The following GRIN2A variants were observed in gnomAD, a reference collection of about 807,000 sequenced individuals.
The protein encoded by GRIN2A is glutamate receptor ionotropic, NMDA 2A.
Under a neutral mutation model 113.4 loss-of-function variants are expected in GRIN2A, and 22 were observed. The ratio of observed to expected loss-of-function variants is 0.19; its 90% CI spans 0.14 to 0.28. The LOEUF is 0.28. GRIN2A is among the 10% of genes least tolerant of loss of function. GRIN2A has a pLI of 1.00. For missense variants in GRIN2A, 1,502 were observed against 1,887.0 expected (o/e 0.80, Z 3.78); for synonymous variants, 827 against 738.4 (o/e 1.12, Z -1.94).
chr16:9,883,144 T>A (rs2043517962), intron 4 of GRIN2A, among the ~76,000 whole-genome samples: 1 of 152,178 alleles, frequency 6.6e-6, no homozygotes. Flanking sequence ...GAAGAATACC[T>A]ACTTTAGAAG....
intron 2 of GRIN2A, among the ~76,000 whole-genome samples, chr16:10,103,172 C>A (rs934968692): frequency 5.3e-5 from 8 of 151,904 alleles, no homozygotes; most frequent in Admixed American, 3.9e-4. Context: ...TTTTTAAGGA[C>A]AAAGAAAGTA....
At chr16:10,138,839 T>C (rs1474673581) in intron 2 of GRIN2A, among the ~76,000 whole-genome samples, 1 of 152,204 alleles carries the variant, frequency 6.6e-6, no homozygotes, top group Non-Finnish European at 1.5e-5. Flanking sequence ...TACTATGCCA[T>C]CATTATCAGA....
chr16:9,938,009 G>T lies in GRIN2A; in HGVS notation c.957C>A (p.Ser319Arg), dbSNP rs763767512. The T allele has an allele frequency of 1.2e-6, 2 of 1,614,082 alleles. No homozygotes were observed. Among genetic ancestry groups the T allele is most frequent in the Non-Finnish European group, 1.7e-6 (2 of 1,179,970 alleles). ...KFSYIPEAKA[S>R]CYGQMERPEV... ...CTGGCCTCTCCATCTGCCCGTAGCA[G>T]CTGGCCTTGGCCTCGGGGATGTAGG... The change falls in exon 3 of 13, where the codon AGC (serine) becomes AGA (arginine). Residue 319 changes from serine (S) to arginine (R), a missense_variant. Coordinates refer to ENST00000330684, the MANE Select transcript of GRIN2A (RefSeq NM_001134407.3).
intron 2 of GRIN2A, among the ~76,000 whole-genome samples, chr16:9,966,963 T>C (rs1205081869): frequency 6.6e-6 from 1 of 152,210 alleles, no homozygotes; most frequent in Admixed American, 6.5e-5. Flanking sequence ...TGACTCATTT[T>C]CCACACTTCA....
At chr16:9,835,408 G>C (rs1226125376) in intron 7 of GRIN2A, among the ~76,000 whole-genome samples, 1 of 152,058 alleles carries the variant, frequency 6.6e-6, no homozygotes, top group Non-Finnish European at 1.5e-5. Flanking sequence ...CTCTAGAAAG[G>C]TAAGAAATAT....
chr16:10,052,522 G>T (rs1442236919), intron 2 of GRIN2A, among the ~76,000 whole-genome samples: 1 of 152,226 alleles, frequency 6.6e-6, no homozygotes, highest in African/African-American at 2.4e-5. Context: ...CAGGGGACAT[G>T]AATGATGCTT....
At chr16:10,108,883 G>A (rs1351475842) in intron 2 of GRIN2A, among the ~76,000 whole-genome samples, 3 of 151,998 alleles carry the variant, frequency 2.0e-5, no homozygotes, top group Non-Finnish European at 4.4e-5. Context: ...AATCAGAGGA[G>A]AAGGCAAGAG....
intron 3 of GRIN2A, among the ~76,000 whole-genome samples, chr16:9,900,814 T>G (rs1186458071): frequency 6.6e-6 from 1 of 152,178 alleles, no homozygotes; most frequent in East Asian, 1.9e-4. Flanking sequence ...CTAACCACTT[T>G]GAACCAGCTG....
rs1324775958 is a variant in GRIN2A, at chr16:9,852,048, AC to A, written c.1123-2088del. 2.0e-5 allele frequency among the ~76,000 whole-genome samples: 3 copies of A among 152,176 alleles called. 1 individual carries two copies. The highest frequency in any genetic ancestry group is 2.9e-5 in the Non-Finnish European group (2 of 68,034). ...TTTATATTATAACCTCAATGACATA[AC>A]TTTTGAGCACTCCTGTACAGTCAGG... On this transcript the variant is annotated intron_variant, in intron 4 of 12. Coordinates refer to ENST00000330684, the MANE Select transcript of GRIN2A (RefSeq NM_001134407.3).
chr16:9,878,010 A>G (rs752234210), intron 4 of GRIN2A, among the ~76,000 whole-genome samples: 3 of 151,750 alleles, frequency 2.0e-5, no homozygotes, highest in Non-Finnish European at 2.9e-5. Flanking sequence ...AATACTTCTG[A>G]CTGAGAGGCT....
intron 4 of GRIN2A, among the ~76,000 whole-genome samples, chr16:9,877,412 T>C (rs920290001): frequency 5.9e-5 from 9 of 152,154 alleles, no homozygotes; most frequent in African/African-American, 9.7e-5. Context: ...CAACATAACA[T>C]ACCAATCAGA....
At chr16:9,959,804 T>G (rs1006833362) in intron 2 of GRIN2A, among the ~76,000 whole-genome samples, 1 of 152,100 alleles carries the variant, frequency 6.6e-6, no homozygotes, top group Non-Finnish European at 1.5e-5. Flanking sequence ...TGAAACCCCA[T>G]CTCTACTAAA....
At chr16:10,083,549 C>T (rs2048024706) in intron 2 of GRIN2A, among the ~76,000 whole-genome samples, 2 of 152,172 alleles carry the variant, frequency 1.3e-5, no homozygotes, top group African/African-American at 2.4e-5. Flanking sequence ...CCTCTCTCTA[C>T]CCTCTTCCCC....
intron 2 of GRIN2A, among the ~76,000 whole-genome samples, chr16:10,145,100 A>T (rs1209925712): frequency 6.6e-6 from 1 of 152,124 alleles, no homozygotes; most frequent in African/African-American, 2.4e-5. Context: ...CAAAAACTGC[A>T]TGATTCCACC....
chr16:10,063,895 C>G (rs2047596708), intron 2 of GRIN2A, among the ~76,000 whole-genome samples: 1 of 152,124 alleles, frequency 6.6e-6, no homozygotes, highest in South Asian at 2.1e-4. Flanking sequence ...CCCAGGCTCC[C>G]CTGAGGAAGC....
intron 2 of GRIN2A, among the ~76,000 whole-genome samples, chr16:10,096,491 G>A (rs1300662088): frequency 6.7e-6 from 1 of 149,570 alleles, no homozygotes; most frequent in East Asian, 1.9e-4. Flanking sequence ...TTGATTCTCA[G>A]GTAACTAATA....
intron 2 of GRIN2A, among the ~76,000 whole-genome samples, chr16:10,051,499 A>T (rs985510318): frequency 2.0e-5 from 3 of 152,210 alleles, no homozygotes; most frequent in Non-Finnish European, 4.4e-5. Flanking sequence ...ATATTTGTTG[A>T]GTGAATGAAT....
intron 11 of GRIN2A, among the ~76,000 whole-genome samples, chr16:9,781,186 A>G (rs1028699923): frequency 6.6e-6 from 1 of 152,212 alleles, no homozygotes; most frequent in African/African-American, 2.4e-5. Context: ...CATAATTTGC[A>G]GAATTCTGAT....
chr16:10,090,623 G>A (rs1332104988), intron 2 of GRIN2A, among the ~76,000 whole-genome samples: 2 of 151,402 alleles, frequency 1.3e-5, no homozygotes, highest in Non-Finnish European at 2.9e-5. Flanking sequence ...CTTGGGTTAA[G>A]CGGAAAGCTC....
Sources: gnomAD v4.1 joint callset for allele counts (sites outside exome capture counted in the v4.1 genomes callset) on GRCh38, gnomAD v4.1.1 for gene constraint, MANE v1.5 for transcripts, NCBI Gene and HGNC (gene_info 2026-07-23, HGNC 2026-07-21) for gene names.